The following SORD variants were observed in gnomAD, a reference collection of about 807,000 sequenced individuals.
SORD encodes sorbitol dehydrogenase, also known as (R,R)-butanediol dehydrogenase.
A neutral mutation model predicts 35.6 loss-of-function variants in SORD; 18 were observed. The ratio of observed to expected loss-of-function variants is 0.51; its 90% confidence interval spans 0.35 to 0.75. SORD has a LOEUF of 0.75. Among genes scored for constraint, SORD ranks in the 30% least tolerant of loss-of-function variants. The pLI, the probability that SORD is intolerant of heterozygous loss-of-function variation, is 0.01. For synonymous variants in SORD, 106 were observed against 152.9 expected, an observed-to-expected ratio of 0.69 and a Z score of 2.26; for missense variants, 250 against 390.2, an observed-to-expected ratio of 0.64 and a Z score of 3.03.
rs3042989 is a variant in SORD at position 45,068,448 on chromosome 15, AGTGTGT to A, written c.610+213_610+218del. On this transcript the variant is annotated intron_variant, in intron 6 of 8. Coordinates refer to ENST00000267814, the MANE Select transcript of SORD (RefSeq NM_003104.6). ...GAGAGAGAGAGAGTTTGTGTGAGAGAGTGTGTGTGTGTGTGTCTGTGTGTAGCTGTA... is the reference window on the plus strand; with the variant it reads ...GAGAGAGAGAGAGTTTGTGTGAGAGAGTGTGTGTGTCTGTGTGTAGCTGTA... 7.7e-5 allele frequency among the ~76,000 whole-genome samples: 9 copies of A among 116,158 alleles called. No homozygotes were observed. In the South Asian group the frequency reaches 1.6e-3, roughly 20 times the overall value. The allele number at this position is 116,158 out of a possible 152,430, so 76.2% of individuals were successfully genotyped here.
At chr15:45,054,380 T>G (rs934499054) in intron 3 of SORD, among the ~76,000 whole-genome samples, 52 of 152,200 alleles carry the variant, frequency 3.4e-4, no homozygotes, top group Non-Finnish European at 5.3e-4. Flanking sequence ...TTGATTTGCA[T>G]TTCTCTGATG....
chr15:45,047,260 A>G (rs1282473547), intron 3 of SORD: 2 of 151,928 alleles, frequency 1.3e-5, no homozygotes, highest in African/African-American at 4.9e-5. Flanking sequence ...CCAGGACTCT[A>G]CACTATTCTG....
intron 5 of SORD, among the ~76,000 whole-genome samples, chr15:45,067,411 G>A (rs945867449): frequency 1.3e-5 from 2 of 152,078 alleles, no homozygotes; most frequent in African/African-American, 2.4e-5. Context: ...GAGTTATGGC[G>A]TAATTTTTAG....
chr15:45,036,486 G>A, intron 1 of SORD: 1 of 374,660 alleles, frequency 2.7e-6, no homozygotes, highest in Non-Finnish European at 5.2e-6. Flanking sequence ...GAGGCCAGGA[G>A]TTCGAGATCA....
chr15:45,063,022 G>A (rs1473617660), intron 4 of SORD, among the ~76,000 whole-genome samples: 2 of 148,162 alleles, frequency 1.3e-5, no homozygotes, highest in East Asian at 1.9e-4. Flanking sequence ...TGCAGGAGTA[G>A]GCCTGAAAGA....
At chr15:45,035,464 TG>T (rs1300425891) in intron 1 of SORD, among the ~76,000 whole-genome samples, 1 of 151,530 alleles carries the variant, frequency 6.6e-6, no homozygotes, top group Non-Finnish European at 1.5e-5. Context: ...CTAGCTAATC[TG>T]GGGGGGAGGT....
At chr15:45,032,353 G>T (rs1354701376) in intron 1 of SORD, among the ~76,000 whole-genome samples, 1 of 152,118 alleles carries the variant, frequency 6.6e-6, no homozygotes, top group African/African-American at 2.4e-5. Flanking sequence ...AGGAAAAAAA[G>T]ACTCCATTTT....
chr15:45,061,446 C>A (rs747694793), intron 4 of SORD, among the ~76,000 whole-genome samples: 3 of 152,196 alleles, frequency 2.0e-5, no homozygotes, highest in Non-Finnish European at 4.4e-5. Context: ...GTTTCAGTTT[C>A]CCTTACTTAG....
At chr15:45,060,807 G>C (rs1893290739) in intron 3 of SORD, among the ~76,000 whole-genome samples, 2 of 152,238 alleles carry the variant, frequency 1.3e-5, no homozygotes, top group Admixed American at 6.5e-5. Context: ...TGGAGGAGGG[G>C]GCTGGTCCTT....
chr15:45,026,803 G>T (rs962897528), intron 1 of SORD, among the ~76,000 whole-genome samples: 22 of 152,332 alleles, frequency 1.4e-4, no homozygotes, highest in African/African-American at 4.8e-4. Flanking sequence ...TCCCACTGCT[G>T]CCATCCTACT....
Position 45,023,203 on chromosome 15 carries a change from G to A in SORD, c.-81G>A, listed in dbSNP as rs115881323. ...GGCCCCACCTTCCATCCAGTGCCCTGGACCCTCGGCTGGGTAGCGCCACCA... is the reference window on the plus strand; with the variant it reads ...GGCCCCACCTTCCATCCAGTGCCCTAGACCCTCGGCTGGGTAGCGCCACCA... On this transcript the variant is annotated 5_prime_UTR_variant, in exon 1 of 9. Coordinates refer to ENST00000267814, the MANE Select transcript of SORD (RefSeq NM_003104.6). The A allele has an allele frequency of 2.2e-3, 2,780 of 1,268,228 alleles. 55 individuals are homozygous for A. In the African/African-American group the frequency reaches 0.039, roughly 18 times the overall value. 78.6% of individuals were successfully genotyped at this position (1,268,228 alleles called of 1,614,324 possible). A position where few individuals can be genotyped will look rare whatever the true frequency, so the allele number is the denominator to read the frequency against.
chr15:45,038,680 G>T lies in SORD; in HGVS notation c.67-1728G>T, dbSNP rs190616674. Among the ~76,000 whole-genome samples, 135 of 152,272 alleles carry T rather than the reference G, an allele frequency of 8.9e-4. 1 individual carries two copies. The highest frequency in any genetic ancestry group is 2.1e-4 in the Non-Finnish European group (14 of 68,022). ...GGAAGGCATGGTCTTTGGCTTCAAG[G>T]TATTTATTATCTTGTTAGGAAAAGT... On this transcript the variant is annotated intron_variant, in intron 1 of 8. Coordinates refer to ENST00000267814, the MANE Select transcript of SORD (RefSeq NM_003104.6).
chr15:45,061,847 C>T (rs548143046), intron 4 of SORD, among the ~76,000 whole-genome samples: 5 of 152,054 alleles, frequency 3.3e-5, no homozygotes, highest in Non-Finnish European at 5.9e-5. Flanking sequence ...CCAGCCTGGG[C>T]AACAGACCGA....
At chr15:45,037,498 G>A (rs1892888248) in intron 1 of SORD, among the ~76,000 whole-genome samples, 1 of 152,152 alleles carries the variant, frequency 6.6e-6, no homozygotes, top group Non-Finnish European at 1.5e-5. Context: ...CAGTGTCTGT[G>A]AATTTGCCTA....
intron 1 of SORD, among the ~76,000 whole-genome samples, chr15:45,035,706 A>C (rs952578370): frequency 4.6e-5 from 7 of 152,216 alleles, no homozygotes; most frequent in African/African-American, 1.7e-4. Flanking sequence ...CTTTGGGTAC[A>C]CACTGCCTTT....
chr15:45,051,001 A>G, intron 3 of SORD, among the ~76,000 whole-genome samples: 1 of 152,222 alleles, frequency 6.6e-6, no homozygotes, highest in East Asian at 1.9e-4. Context: ...CATGAGTCCT[A>G]TACATTTTTC....
intron 4 of SORD, among the ~76,000 whole-genome samples, chr15:45,064,083 G>C (rs1893367430): frequency 6.7e-6 from 1 of 149,354 alleles, no homozygotes; most frequent in South Asian, 2.2e-4. Context: ...TGGTTTGGCT[G>C]TCACATTTAT....
At chr15:45,040,972 G>C (rs1241495263) in intron 2 of SORD, among the ~76,000 whole-genome samples, 2 of 152,198 alleles carry the variant, frequency 1.3e-5, no homozygotes, top group Non-Finnish European at 2.9e-5. Flanking sequence ...GGTGCTGCAT[G>C]GGTCCCTGTC....
At chr15:45,038,126 C>CCTT (rs1892899682) in intron 1 of SORD, among the ~76,000 whole-genome samples, 1 of 122,244 alleles carries the variant, frequency 8.2e-6, no homozygotes, top group Non-Finnish European at 1.8e-5. Context: ...CTCGCATCCT[C>CCTT]CCTTCCTTCC....
Sources: allele counts gnomAD v4.1 joint callset (sites outside exome capture counted in the v4.1 genomes callset), GRCh38; gene constraint gnomAD v4.1.1; transcripts MANE v1.5; gene names NCBI Gene and HGNC (gene_info 2026-07-23, HGNC 2026-07-21).